The following DENND5B variants were observed in gnomAD, a reference collection of about 807,000 sequenced individuals.
DENND5B encodes the protein DENN domain containing 5B, also known as DENN domain-containing protein 5B.
In DENND5B, 34 loss-of-function variants were observed where a neutral mutation model predicts 140.6. That is an observed-to-expected ratio of 0.24 (90% CI 0.18 to 0.32). The LOEUF is 0.32. DENND5B is among the 10% of genes least tolerant of loss of function. DENND5B has a pLI of 1.00. For missense variants in DENND5B, 1,142 were observed against 1,560.2 expected (o/e 0.73, Z 4.52); for synonymous variants, 551 against 562.1 (o/e 0.98, Z 0.28).
At chr12:31,407,713 C>G (rs1942210341) in intron 14 of DENND5B, among the ~76,000 whole-genome samples, 1 of 152,164 alleles carries the variant, frequency 6.6e-6, no homozygotes, top group Admixed American at 6.5e-5. Flanking sequence ...TGAGAACAGC[C>G]ATGTTGAAAC....
Position 31,579,978 on chromosome 12 carries a change from A to T in DENND5B, c.127+10728T>A, listed in dbSNP as rs189544387. ...AAACAGAAAAAAATATATATAAAAA[A>T]ATATATATATAGGATTAAACTTTAT... On this transcript the variant is annotated intron_variant, in intron 1 of 20. Coordinates refer to ENST00000389082, the MANE Select transcript of DENND5B (RefSeq NM_144973.4). 1.3e-3 allele frequency among the ~76,000 whole-genome samples: 193 copies of T among 149,276 alleles called. 5 individuals carry two copies. In the South Asian group the frequency reaches 0.015, roughly 12 times the overall value.
intron 1 of DENND5B, among the ~76,000 whole-genome samples, chr12:31,587,706 C>T (rs768083975): frequency 1.6e-4 from 24 of 152,030 alleles, no homozygotes; most frequent in Admixed American, 5.9e-4. Flanking sequence ...TGTGCCACCA[C>T]GCCCAGCTTT....
intron 14 of DENND5B, among the ~76,000 whole-genome samples, chr12:31,403,990 G>A (rs1941981276): frequency 6.6e-6 from 1 of 151,876 alleles, no homozygotes; most frequent in South Asian, 2.1e-4. Context: ...GAAGGCTGAG[G>A]TGGGCAGATC....
At chr12:31,585,139 A>G (rs1950353594) in intron 1 of DENND5B, among the ~76,000 whole-genome samples, 1 of 152,158 alleles carries the variant, frequency 6.6e-6, no homozygotes, top group African/African-American at 2.4e-5. Flanking sequence ...ATATCTCCCA[A>G]TAAGCCCCAC....
intron 3 of DENND5B, among the ~76,000 whole-genome samples, chr12:31,478,872 T>C (rs921086563): frequency 7.9e-5 from 12 of 152,300 alleles, no homozygotes; most frequent in Non-Finnish European, 1.0e-4. Flanking sequence ...GGCTCAGCAT[T>C]AGTCTTCACA....
intron 1 of DENND5B, among the ~76,000 whole-genome samples, chr12:31,574,267 A>AAATAATAATAATAAT (rs60548839): frequency 0.13 from 11,835 of 89,548 alleles, 950 homozygotes; most frequent in African/African-American, 0.24. Context: ...TGTCTCTAAA[A>AAATAATAATAATAAT]AATAATAATA....
intron 7 of DENND5B, among the ~76,000 whole-genome samples, chr12:31,442,489 CATTAT>C: frequency 6.6e-6 from 1 of 151,804 alleles, no homozygotes; most frequent in East Asian, 1.9e-4. Flanking sequence ...ATAGTATTAT[CATTAT>C]ATTTAAATCG....
intron 1 of DENND5B, among the ~76,000 whole-genome samples, chr12:31,496,995 A>G (rs930566082): frequency 6.6e-6 from 1 of 152,194 alleles, no homozygotes; most frequent in Admixed American, 6.5e-5. Context: ...AGCAAAAGAT[A>G]AATGTCACTT....
At chr12:31,395,244 T>C (rs1941374463) in intron 17 of DENND5B, among the ~76,000 whole-genome samples, 1 of 152,226 alleles carries the variant, frequency 6.6e-6, no homozygotes, top group Non-Finnish European at 1.5e-5. Flanking sequence ...GTATTCCTAC[T>C]AGCAATGCAT....
At chr12:31,503,668 CCT>C (rs1188304477) in intron 1 of DENND5B, among the ~76,000 whole-genome samples, 12 of 152,198 alleles carry the variant, frequency 7.9e-5, no homozygotes, top group Admixed American at 3.3e-4. Context: ...TGTATTTTCC[CCT>C]GATTAAGGCA....
intron 4 of DENND5B, among the ~76,000 whole-genome samples, chr12:31,455,917 G>C (rs1449410724): frequency 6.6e-6 from 1 of 152,166 alleles, no homozygotes; most frequent in African/African-American, 2.4e-5. Context: ...TAGTTGAGAG[G>C]TTGAGGCAGG....
At chr12:31,421,013 G>A (rs7303225) in intron 11 of DENND5B, among the ~76,000 whole-genome samples, 148,354 of 152,290 alleles carry the variant, frequency 0.97, 72,398 homozygotes, top group East Asian at 1. Flanking sequence ...TCATGATTCA[G>A]TGCTAGTAAG....
At chr12:31,512,880 C>T (rs1230864393) in intron 1 of DENND5B, among the ~76,000 whole-genome samples, 1 of 152,118 alleles carries the variant, frequency 6.6e-6, no homozygotes, top group African/African-American at 2.4e-5. Flanking sequence ...TACATTAGTA[C>T]ATTTATTAAA....
intron 7 of DENND5B, 65 bp downstream of exon 7, chr12:31,442,710 G>A (rs558790759): frequency 1.0e-5 from 16 of 1,531,178 alleles, no homozygotes; most frequent in African/African-American, 8.2e-5. Flanking sequence ...GTCCATTTGA[G>A]TTGCAGAGCA....
chr12:31,587,499 G>A (rs1189245327), intron 1 of DENND5B, among the ~76,000 whole-genome samples: 1 of 132,702 alleles, frequency 7.5e-6, no homozygotes, highest in Non-Finnish European at 1.6e-5. Context: ...GCTTCACCAA[G>A]CCAACAACTT....
At chr12:31,561,825 T>A (rs1209171412) in intron 1 of DENND5B, among the ~76,000 whole-genome samples, 1 of 152,174 alleles carries the variant, frequency 6.6e-6, no homozygotes, top group African/African-American at 2.4e-5. Flanking sequence ...ATCAAACACA[T>A]GAGCATTTTT....
intron 2 of DENND5B, among the ~76,000 whole-genome samples, chr12:31,495,431 T>G (rs2138740429): frequency 7.5e-6 from 1 of 132,916 alleles, no homozygotes; most frequent in East Asian, 2.3e-4. Context: ...CAGGCTGGAG[T>G]GCAGTGGCGT....
intron 17 of DENND5B, 125 bp from the exon 18 acceptor site, chr12:31,392,821 C>T (rs1229186881): frequency 4.5e-6 from 4 of 894,490 alleles, no homozygotes; most frequent in Non-Finnish European, 6.6e-6. Flanking sequence ...TTGCCAGGGG[C>T]TCCATAGAAC....
chr12:31,443,118 C>A (rs1944118127), intron 6 of DENND5B, among the ~76,000 whole-genome samples, 193 bp from the exon 7 acceptor site: 1 of 152,122 alleles, frequency 6.6e-6, no homozygotes, highest in Admixed American at 6.6e-5. Flanking sequence ...TCTTATTGCC[C>A]AGGCTGGAGT....
Sources: gnomAD v4.1 joint callset for allele counts (sites outside exome capture counted in the v4.1 genomes callset) on GRCh38, gnomAD v4.1.1 for gene constraint, MANE v1.5 for transcripts, NCBI Gene and HGNC (gene_info 2026-07-23, HGNC 2026-07-21) for gene names.